SUPT3H: variants seen among roughly 807,000 people sequenced by gnomAD.
SUPT3H encodes SPT3 homolog, SAGA and STAGA complex component, also known as transcription initiation protein SPT3 homolog.
SUPT3H carries 44 observed loss-of-function variants against 44.3 expected under a neutral mutation model. That is an observed-to-expected ratio of 0.99 (90% CI 0.78 to 1.28). SUPT3H has a LOEUF of 1.28. Ranked by LOEUF, SUPT3H falls within the 50% of genes most tolerant of loss-of-function variation. SUPT3H has a pLI of 0.00. For synonymous variants in SUPT3H, 124 were observed against 125.6 expected, an observed-to-expected ratio of 0.99 and a Z score of 0.09; for missense variants, 380 against 387.1, an observed-to-expected ratio of 0.98 and a Z score of 0.15.
chr6:44,889,851 G>A (rs1395751117), intron 10 of SUPT3H, among the ~76,000 whole-genome samples: 16 of 152,140 alleles, frequency 1.1e-4, no homozygotes, highest in East Asian at 1.9e-4. Flanking sequence ...GAAAATTTTC[G>A]CAACCTACTT....
chr6:44,986,019 A>G (rs921736616), intron 6 of SUPT3H, among the ~76,000 whole-genome samples: 1 of 152,142 alleles, frequency 6.6e-6, no homozygotes, highest in African/African-American at 2.4e-5. Flanking sequence ...ACGTTTGTAA[A>G]CCAAGTATGA....
chr6:44,908,198 C>T (rs1434482743), intron 10 of SUPT3H, among the ~76,000 whole-genome samples: 1 of 147,020 alleles, frequency 6.8e-6, no homozygotes, highest in Non-Finnish European at 1.5e-5. Context: ...GTCACTCAGG[C>T]TGGAGTGCAG....
chr6:45,021,619 C>T (rs1440030916), intron 3 of SUPT3H, among the ~76,000 whole-genome samples: 1 of 151,952 alleles, frequency 6.6e-6, no homozygotes, highest in African/African-American at 2.4e-5. Flanking sequence ...CTGAATGCAT[C>T]CTTCTTTTAA....
At chr6:45,178,826 A>C (rs1183261870) in intron 2 of SUPT3H, among the ~76,000 whole-genome samples, 2 of 152,152 alleles carry the variant, frequency 1.3e-5, no homozygotes, top group Admixed American at 6.5e-5. Flanking sequence ...CTGGGTACAT[A>C]ACGAAATGAA....
In SUPT3H at chr6:44,885,899, A is replaced by C. The variant is rs186094762; in HGVS notation, c.912+46754T>G. Among the ~76,000 whole-genome samples the C allele has an allele frequency of 8.8e-3, 1,347 of 152,286 alleles. 10 individuals carry two copies. The highest frequency in any genetic ancestry group is 0.012 in the Non-Finnish European group (811 of 68,018). On this transcript the variant is annotated intron_variant, in intron 10 of 10. Coordinates refer to ENST00000371459, the MANE Select transcript of SUPT3H (RefSeq NM_003599.4). ...TTTAGATGAATGTATAACTAGAATA[A>C]CCAATACACAGAAGTGCTTAAAGGA...
intron 10 of SUPT3H, among the ~76,000 whole-genome samples, chr6:44,894,578 T>C (rs994331024): frequency 3.3e-5 from 5 of 152,182 alleles, no homozygotes; most frequent in African/African-American, 1.2e-4. Context: ...TCTATTGATG[T>C]ATATCTCTGT....
intron 3 of SUPT3H, among the ~76,000 whole-genome samples, chr6:45,048,822 G>C (rs1287323864): frequency 6.6e-6 from 1 of 152,008 alleles, no homozygotes; most frequent in Non-Finnish European, 1.5e-5. Flanking sequence ...CTCATATGTG[G>C]AATCTAAAAC....
Position 45,178,703 on chromosome 6 carries a change from A to AT in SUPT3H, c.102-72698dup, listed in dbSNP as rs563308916. Among the ~76,000 whole-genome samples the AT allele has an allele frequency of 9.0e-3, 1,371 of 152,312 alleles. 13 individuals are homozygous for AT. Among genetic ancestry groups the AT allele is most frequent in the South Asian group, 0.027 (131 of 4,820 alleles). On this transcript the variant is annotated intron_variant, in intron 2 of 10. Coordinates refer to ENST00000371459, the MANE Select transcript of SUPT3H (RefSeq NM_003599.4). Reference sequence around the variant, plus strand: ...CAGCAAATGTAAAAGAACAGAAATTATAACAAACTGTCTCTCAGACCACAG... The same window carrying AT: ...CAGCAAATGTAAAAGAACAGAAATTATTAACAAACTGTCTCTCAGACCACAG...
At chr6:45,238,547 C>CTTAA (rs1348336072) in intron 2 of SUPT3H, among the ~76,000 whole-genome samples, 1 of 152,154 alleles carries the variant, frequency 6.6e-6, no homozygotes, top group Non-Finnish European at 1.5e-5. Context: ...AAGGCAAGTC[C>CTTAA]ATAAAGCTCA....
chr6:45,283,181 C>T (rs540241428), intron 2 of SUPT3H, among the ~76,000 whole-genome samples: 12 of 152,168 alleles, frequency 7.9e-5, no homozygotes, highest in East Asian at 5.8e-4. Flanking sequence ...CATCAACTAA[C>T]GAGCAAAATA....
At chr6:45,103,876 A>G (rs1396860291) in intron 3 of SUPT3H, among the ~76,000 whole-genome samples, 1 of 152,210 alleles carries the variant, frequency 6.6e-6, no homozygotes, top group Non-Finnish European at 1.5e-5. Flanking sequence ...GAACAAATGA[A>G]TAACAGTTAA....
intron 6 of SUPT3H, among the ~76,000 whole-genome samples, chr6:44,978,180 G>A (rs1241145809): frequency 6.6e-6 from 1 of 152,092 alleles, no homozygotes; most frequent in Non-Finnish European, 1.5e-5. Context: ...TAGGAATATT[G>A]CTATATTATA....
At position 45,095,033 on chromosome 6, in the gene SUPT3H, C is replaced by T. The variant is rs1797615636; in HGVS notation, c.186+10889G>A. 6.6e-6 allele frequency among the ~76,000 whole-genome samples: 1 copy of T among 151,950 alleles called. No homozygotes were observed. Among genetic ancestry groups the T allele is most frequent in the African/African-American group, 2.4e-5 (1 of 41,382 alleles). ...ACTCCACAGTAGCAGACAGAAAGGC[C>T]GAGAATTTTTTCCCAGATGGTATTT... On this transcript the variant is annotated intron_variant, in intron 3 of 10. Coordinates refer to ENST00000371459, the MANE Select transcript of SUPT3H (RefSeq NM_003599.4). The surrounding 1 kb of genome is among the most constrained non-coding windows in gnomAD (Gnocchi z 4.1).
intron 3 of SUPT3H, among the ~76,000 whole-genome samples, chr6:45,092,316 A>G (rs1241299094): frequency 1.3e-5 from 2 of 152,200 alleles, no homozygotes; most frequent in Admixed American, 6.5e-5. Context: ...ATGCCATATT[A>G]TTAGTTGAAT....
Position 44,900,524 on chromosome 6 carries a change from G to C in SUPT3H, c.912+32129C>G, listed in dbSNP as rs1561999334. Among the ~76,000 whole-genome samples the C allele has an allele frequency of 3.9e-5, 6 of 152,330 alleles. No homozygotes were observed. In the South Asian group the frequency reaches 1.0e-3, roughly 26 times the overall value. On this transcript the variant is annotated intron_variant, in intron 10 of 10. Coordinates refer to ENST00000371459, the MANE Select transcript of SUPT3H (RefSeq NM_003599.4). ...TTGAGTAGGTAAACAAAGCGGCCAG[G>C]AAGCTCGAACTGGGTGGAGCCCACC...
chr6:45,246,202 A>T (rs1043598653), intron 2 of SUPT3H, among the ~76,000 whole-genome samples: 1 of 152,008 alleles, frequency 6.6e-6, no homozygotes, highest in African/African-American at 2.4e-5. Context: ...ATTTAGAAAT[A>T]TTTTCCCATT....
At chr6:44,887,169 G>T (rs1762450180) in intron 10 of SUPT3H, among the ~76,000 whole-genome samples, 1 of 152,022 alleles carries the variant, frequency 6.6e-6, no homozygotes, top group African/African-American at 2.4e-5. Flanking sequence ...AATAATAATG[G>T]GAGACTTTAA....
At chr6:45,037,014 T>C (rs552812801) in intron 3 of SUPT3H, among the ~76,000 whole-genome samples, 18 of 152,178 alleles carry the variant, frequency 1.2e-4, no homozygotes, top group Non-Finnish European at 2.4e-4. Flanking sequence ...GAAATACTTA[T>C]TTTATTTATA....
intron 9 of SUPT3H, among the ~76,000 whole-genome samples, chr6:44,944,585 C>T (rs1233081930): frequency 1.3e-5 from 2 of 150,542 alleles, no homozygotes; most frequent in African/African-American, 2.4e-5. Flanking sequence ...ACAGTGAAAC[C>T]CTGTCTCTAC....
Sources: allele counts gnomAD v4.1 joint callset (sites outside exome capture counted in the v4.1 genomes callset), GRCh38; gene constraint gnomAD v4.1.1; non-coding constraint Gnocchi (gnomAD v3.1); transcripts MANE v1.5; gene names NCBI Gene and HGNC (gene_info 2026-07-23, HGNC 2026-07-21).